RASA1: variants seen among roughly 807,000 people sequenced by gnomAD.
RASA1 encodes ras GTPase-activating protein 1.
Under a neutral mutation model 132.2 loss-of-function variants are expected in RASA1, and 25 were observed. That is an observed-to-expected ratio of 0.19 (90% CI 0.14 to 0.26). The LOEUF (loss-of-function observed/expected upper bound fraction) is 0.26. Ranked by LOEUF, RASA1 falls within the 10% of genes least tolerant of loss-of-function variation. RASA1 has a pLI of 1.00. For synonymous variants in RASA1, 477 were observed against 449.9 expected (o/e 1.06, Z -0.76); for missense variants, 964 against 1,299.2 (o/e 0.74, Z 3.97).
intron 1 of RASA1, among the ~76,000 whole-genome samples, chr5:87,323,395 T>A (rs1756968558): frequency 6.6e-6 from 1 of 152,146 alleles, no homozygotes; most frequent in South Asian, 2.1e-4. Context: ...ATGGGCATAT[T>A]GTGGAGAACT....
chr5:87,340,395 A>G (rs1289268293), intron 5 of RASA1, among the ~76,000 whole-genome samples: 7 of 152,194 alleles, frequency 4.6e-5, no homozygotes, highest in Non-Finnish European at 1.0e-4. Flanking sequence ...CAGTGACACA[A>G]TGATAATGCT....
At chr5:87,385,494 C>T (rs1351652410) in intron 22 of RASA1, 105 bp downstream of exon 22, 12 of 830,686 alleles carry the variant, frequency 1.4e-5, no homozygotes, top group Non-Finnish European at 2.0e-5. Flanking sequence ...AAATTTTTAG[C>T]GATGAAAGAT....
chr5:87,338,533 A>ATATATATATATAT lies in RASA1; in HGVS notation c.1017+442_1017+443insTATATATATATAT, dbSNP rs1491365794. Among the ~76,000 whole-genome samples, 510 of 91,044 alleles carry ATATATATATATAT rather than the reference A, an allele frequency of 5.6e-3. 13 individuals carry two copies. The highest frequency in any genetic ancestry group is 7.7e-3 in the Non-Finnish European group (386 of 50,088). The allele number at this position is 91,044 out of a possible 152,430, so 59.7% of individuals were successfully genotyped here. On this transcript the variant is annotated intron_variant, in intron 5 of 24. Transcript: ENST00000274376. Reference sequence around the variant, plus strand: ...TATATATATATATATATATATATATAAAATTTTTTTTTTTTTTAAGTAGAA... The same window carrying ATATATATATATAT: ...TATATATATATATATATATATATATATATATATATATATAAATTTTTTTTTTTTTTAAGTAGAA...
chr5:87,319,833 G>A (rs1373587495), intron 1 of RASA1, among the ~76,000 whole-genome samples: 2 of 152,138 alleles, frequency 1.3e-5, no homozygotes, highest in South Asian at 4.1e-4. Flanking sequence ...AAATGGGTTT[G>A]TCTTTTCTAT....
chr5:87,315,964 A>G (rs752075523), intron 1 of RASA1, among the ~76,000 whole-genome samples: 10 of 152,218 alleles, frequency 6.6e-5, no homozygotes, highest in Non-Finnish European at 1.2e-4. Context: ...TTCTTCAGTA[A>G]TTTGTAATTC....
At chr5:87,317,845 A>G (rs572555528) in intron 1 of RASA1, among the ~76,000 whole-genome samples, 17 of 152,214 alleles carry the variant, frequency 1.1e-4, no homozygotes, top group African/African-American at 4.1e-4. Flanking sequence ...CATGTTGCCC[A>G]GGCTGGTCTT....
chr5:87,339,036 T>C (rs528725742), intron 5 of RASA1, among the ~76,000 whole-genome samples: 1 of 152,296 alleles, frequency 6.6e-6, no homozygotes, highest in East Asian at 1.9e-4. Flanking sequence ...ATTCTCCCTT[T>C]CCTTTCGGAT....
rs568440706 is a variant in RASA1 at position 87,303,352 on chromosome 5, A to G, written c.540-27996A>G. Reference sequence around the variant, plus strand: ...CTTTTGATTTCATTAATTGTGTCCTATTTTTTTTTTCTGTCTTTTCAGGTT... The same window carrying G: ...CTTTTGATTTCATTAATTGTGTCCTGTTTTTTTTTTCTGTCTTTTCAGGTT... On this transcript the variant is annotated intron_variant, in intron 1 of 24. Transcript: ENST00000274376. Among the ~76,000 whole-genome samples the G allele has an allele frequency of 7.5e-4, 106 of 142,274 alleles. 1 individual carries two copies. Among genetic ancestry groups the G allele is most frequent in the Non-Finnish European group, 1.5e-3 (94 of 64,528 alleles). 93.3% of individuals were successfully genotyped at this position (142,274 alleles called of 152,430 possible).
Position 87,268,496 on chromosome 5 carries a change from A to T in RASA1, c.45A>T (p.Thr15=). ...EAGSEEGGPV[T]AGAGGGGAAA... is the part of the protein sequence containing the mutation. The stretch of plus-strand genomic sequence containing the variant: ...GCAGTGAGGAGGGCGGCCCGGTAAC[A>T]GCCGGAGCTGGAGGAGGCGGCGCGG... The change falls in exon 1 of 25, where the codon ACA becomes ACT. Residue 15 remains threonine, a synonymous_variant. Transcript: ENST00000274376. 2 of 1,559,092 alleles carry T rather than the reference A, an allele frequency of 1.3e-6. No individual in the cohort carries two copies. Among genetic ancestry groups the T allele is most frequent in the Non-Finnish European group, 1.7e-6 (2 of 1,153,972 alleles).
chr5:87,363,965 C>A (rs1760313396), intron 11 of RASA1, among the ~76,000 whole-genome samples: 1 of 152,028 alleles, frequency 6.6e-6, no homozygotes, highest in African/African-American at 2.4e-5. Flanking sequence ...CTTATGTTGA[C>A]TTCTTGGTTT....
chr5:87,375,287 T>C (rs116036299), intron 15 of RASA1, among the ~76,000 whole-genome samples: 655 of 151,948 alleles, frequency 4.3e-3, no homozygotes, highest in Middle Eastern at 0.01. Flanking sequence ...TGAGATGGAG[T>C]CTTGCTCTTG....
intron 1 of RASA1, among the ~76,000 whole-genome samples, chr5:87,270,646 C>CTTTTTTTT (rs70996415): frequency 1.4e-5 from 1 of 71,780 alleles, no homozygotes; most frequent in African/African-American, 6.4e-5. Flanking sequence ...GGTGCCCGGC[C>CTTTTTTTT]TTTTTTTTTT....
intron 4 of RASA1, among the ~76,000 whole-genome samples, chr5:87,336,146 C>G (rs2112380797): frequency 6.6e-6 from 1 of 152,208 alleles, no homozygotes; most frequent in South Asian, 2.1e-4. Flanking sequence ...TCATTTAAGC[C>G]AGGCATTAAG....
chr5:87,340,449 A>G (rs1758353472), intron 5 of RASA1, among the ~76,000 whole-genome samples: 1 of 151,936 alleles, frequency 6.6e-6, no homozygotes, highest in Non-Finnish European at 1.5e-5. Context: ...TCCCTTGGAT[A>G]TAGTAACATT....
Position 87,362,113 on chromosome 5 carries a change from C to T in RASA1, c.1333-438C>T, listed in dbSNP as rs73156388. Among the ~76,000 whole-genome samples, 190 of 152,276 alleles carry T rather than the reference C, an allele frequency of 1.2e-3. 1 individual carries two copies. The highest frequency in any genetic ancestry group is 4.3e-3 in the African/African-American group (179 of 41,552). ...TTCTCATGTCTTAGTTCACCTGGTA[C>T]GGTTGTCTGTATTCACCTAGCATTT... On this transcript the variant is annotated intron_variant, in intron 9 of 24. Transcript: ENST00000274376.
intron 5 of RASA1, among the ~76,000 whole-genome samples, chr5:87,338,874 G>T (rs1172691328): frequency 6.6e-6 from 1 of 151,892 alleles, no homozygotes; most frequent in Non-Finnish European, 1.5e-5. Context: ...TCTACATTTT[G>T]AATCTCGTCC....
chr5:87,271,457 T>C (rs1580182835), intron 1 of RASA1, among the ~76,000 whole-genome samples: 1 of 111,656 alleles, frequency 9.0e-6, no homozygotes, highest in East Asian at 6.3e-4. Context: ...GACTTCTTTT[T>C]TTTTTTTTTT....
chr5:87,281,053 A>T (rs182789550), intron 1 of RASA1, among the ~76,000 whole-genome samples: 3 of 152,104 alleles, frequency 2.0e-5, no homozygotes, highest in Admixed American at 1.3e-4. Context: ...TGCACATGGT[A>T]TATAAATATC....
chr5:87,306,549 A>G (rs561807109), intron 1 of RASA1, among the ~76,000 whole-genome samples: 3 of 152,172 alleles, frequency 2.0e-5, no homozygotes, highest in Admixed American at 2.0e-4. Flanking sequence ...GATCTGTACA[A>G]TAGACTCCCA....
Sources: allele counts gnomAD v4.1 joint callset (sites outside exome capture counted in the v4.1 genomes callset), GRCh38; gene constraint gnomAD v4.1.1; transcripts MANE v1.5; gene names NCBI Gene and HGNC (gene_info 2026-07-23, HGNC 2026-07-21).